Variants in FOXP2 observed in about 807,000 individuals in gnomAD.
FOXP2 encodes the protein forkhead box P2, also known as forkhead box protein P2.
In FOXP2, 12 loss-of-function variants were observed where a neutral mutation model predicts 115.8. The observed-to-expected ratio is 0.10, with a 90% CI of 0.07 to 0.17. The LOEUF (loss-of-function observed/expected upper bound fraction) is 0.17. FOXP2 is among the 10% of genes least tolerant of loss of function. The pLI is 1.00. For missense variants in FOXP2, 629 were observed against 843.5 expected, an observed-to-expected ratio of 0.75 and a Z score of 3.15; for synonymous variants, 328 against 297.7, an observed-to-expected ratio of 1.10 and a Z score of -1.05.
intron 3 of FOXP2, among the ~76,000 whole-genome samples, chr7:114,605,158 T>C (rs906454277): frequency 6.6e-6 from 1 of 152,340 alleles, no homozygotes; most frequent in African/African-American, 2.4e-5. Flanking sequence ...GATGGAAGTC[T>C]GTGCCCTGGA....
At chr7:114,313,391 G>A (rs1193100277) in intron 2 of FOXP2, among the ~76,000 whole-genome samples, 1 of 152,098 alleles carries the variant, frequency 6.6e-6, no homozygotes, top group Non-Finnish European at 1.5e-5. Flanking sequence ...TGGTAAAGAT[G>A]CCACAGAATA....
chr7:114,091,475 C>T (rs1799542245), intron 1 of FOXP2, among the ~76,000 whole-genome samples: 1 of 151,714 alleles, frequency 6.6e-6, no homozygotes, highest in African/African-American at 2.4e-5. Context: ...TAAGTATTGG[C>T]CTAATTATTT....
In FOXP2 at chr7:114,265,110, C is replaced by T. The variant is rs541635819; in HGVS notation, c.-101-22909C>T. Among the ~76,000 whole-genome samples, 3 of 152,278 alleles carry T rather than the reference C, an allele frequency of 2.0e-5. No individual in the cohort carries two copies. The South Asian group carries it at 6.2e-4, about 32-fold the overall frequency. On this transcript the variant is annotated intron_variant, in intron 1 of 17. Transcript: ENST00000634411. ...TTGTAAAATGCAATCATGCCTTTCC[C>T]AACAGTTCCCCAAAGTCTTAACTCA...
chr7:114,423,652 G>A (rs548420115), intron 1 of FOXP2, among the ~76,000 whole-genome samples: 9 of 151,484 alleles, frequency 5.9e-5, no homozygotes, highest in South Asian at 4.2e-4. Flanking sequence ...GGTATGTTTC[G>A]GATCATAAGC....
intron 2 of FOXP2, among the ~76,000 whole-genome samples, chr7:114,404,518 A>C (rs1341039658): frequency 6.6e-6 from 1 of 152,084 alleles, no homozygotes. Context: ...GTATATGTTT[A>C]ATCTGTGGAG....
intron 2 of FOXP2, among the ~76,000 whole-genome samples, chr7:114,372,614 T>C (rs1156703394): frequency 1.3e-5 from 2 of 152,232 alleles, no homozygotes; most frequent in African/African-American, 4.8e-5. Context: ...AGAAGATAAG[T>C]GCTCAAGCAA....
At chr7:114,429,824 A>G (rs1794024418) in intron 2 of FOXP2, among the ~76,000 whole-genome samples, 1 of 151,648 alleles carries the variant, frequency 6.6e-6, no homozygotes, top group South Asian at 2.1e-4. Context: ...AAAAGCTAGA[A>G]TCCACACATT....
At chr7:114,294,890 ACATACATG>A (rs1796703552) in intron 2 of FOXP2, among the ~76,000 whole-genome samples, 1 of 151,790 alleles carries the variant, frequency 6.6e-6, no homozygotes, top group African/African-American at 2.4e-5. Flanking sequence ...ATACATACAT[ACATACATG>A]CATGCATGCA....
chr7:114,101,544 A>G (rs536287702), intron 1 of FOXP2, among the ~76,000 whole-genome samples: 10 of 152,122 alleles, frequency 6.6e-5, no homozygotes, highest in East Asian at 5.8e-4. Context: ...TAACATGTCT[A>G]TGGCAGGTTT....
At chr7:114,502,848 A>C in intron 2 of FOXP2, among the ~76,000 whole-genome samples, 1 of 152,026 alleles carries the variant, frequency 6.6e-6, no homozygotes, top group East Asian at 1.9e-4. Context: ...CAGAAGGGGA[A>C]GTTTACACAT....
At chr7:114,323,135 C>A (rs1797469114) in intron 2 of FOXP2, among the ~76,000 whole-genome samples, 10 of 152,232 alleles carry the variant, frequency 6.6e-5, no homozygotes, top group Admixed American at 6.5e-4. Context: ...TTTCTACCAT[C>A]TATGGGTATA....
At chr7:114,269,892 A>T (rs1795992683) in intron 1 of FOXP2, among the ~76,000 whole-genome samples, 1 of 152,164 alleles carries the variant, frequency 6.6e-6, no homozygotes, top group Non-Finnish European at 1.5e-5. Context: ...TCCATCATTG[A>T]TTCTTCAAAC....
intron 1 of FOXP2, among the ~76,000 whole-genome samples, chr7:114,265,462 T>C (rs1795873976): frequency 1.3e-5 from 2 of 152,184 alleles, no homozygotes; most frequent in African/African-American, 4.8e-5. Flanking sequence ...TGTGACATTG[T>C]AGGGGTCAGC....
intron 2 of FOXP2, among the ~76,000 whole-genome samples, chr7:114,333,177 G>C (rs1356940209): frequency 1.3e-5 from 2 of 152,134 alleles, no homozygotes; most frequent in African/African-American, 4.8e-5. Flanking sequence ...AAGAATAATA[G>C]TAATAATGAC....
intron 2 of FOXP2, among the ~76,000 whole-genome samples, chr7:114,526,119 A>G (rs1037747632): frequency 1.3e-5 from 2 of 150,376 alleles, no homozygotes; most frequent in African/African-American, 2.5e-5. Context: ...TCTCAAAAAC[A>G]AACAAAAAGT....
intron 1 of FOXP2, among the ~76,000 whole-genome samples, chr7:114,100,692 A>G (rs1790920995): frequency 1.3e-5 from 2 of 152,218 alleles, no homozygotes; most frequent in African/African-American, 2.4e-5. Context: ...GGTTAAGAAT[A>G]GAGCCTTTTT....
chr7:114,278,891 G>C (rs1489202355), intron 1 of FOXP2, among the ~76,000 whole-genome samples: 1 of 152,100 alleles, frequency 6.6e-6, no homozygotes, highest in African/African-American at 2.4e-5. Context: ...GCATGCCAAT[G>C]CCAGTGATTT....
intron 1 of FOXP2, among the ~76,000 whole-genome samples, chr7:114,259,020 C>T (rs1358711378): frequency 2.0e-5 from 3 of 151,940 alleles, no homozygotes; most frequent in African/African-American, 7.2e-5. Flanking sequence ...GTTAGAGGTC[C>T]CAGTTGGGCT....
At chr7:114,131,519 A>T (rs1265608738) in intron 1 of FOXP2, among the ~76,000 whole-genome samples, 3 of 152,180 alleles carry the variant, frequency 2.0e-5, no homozygotes, top group African/African-American at 7.2e-5. Context: ...CTAGAATATT[A>T]TAACTACATT....
Sources: allele counts gnomAD v4.1 joint callset (sites outside exome capture counted in the v4.1 genomes callset), GRCh38; gene constraint gnomAD v4.1.1; transcripts MANE v1.5; gene names NCBI Gene and HGNC (gene_info 2026-07-23, HGNC 2026-07-21).